The following YAF2 variants were observed in gnomAD, a reference collection of about 807,000 sequenced individuals.
YAF2 encodes the protein YY1 associated factor 2, also known as YY1-associated factor 2.
In YAF2, 7 loss-of-function variants were observed where a neutral mutation model predicts 20.1. That is an observed-to-expected ratio of 0.35 (90% CI 0.20 to 0.65). YAF2 has a LOEUF of 0.65. YAF2 is among the 30% of genes least tolerant of loss of function. The pLI is 0.69. For missense variants in YAF2, 151 were observed against 219.2 expected (o/e 0.69, Z 1.96); for synonymous variants, 74 against 76.0 (o/e 0.97, Z 0.14).
intron 2 of YAF2, among the ~76,000 whole-genome samples, chr12:42,197,127 G>A (rs10506175): frequency 0.063 from 9,534 of 152,266 alleles, 489 homozygotes; most frequent in East Asian, 0.15. Flanking sequence ...AAACTAGAGC[G>A]CAGAAAATAC....
chr12:42,229,554 T>C (rs1437855912), intron 2 of YAF2, among the ~76,000 whole-genome samples: 1 of 152,242 alleles, frequency 6.6e-6, no homozygotes, highest in Non-Finnish European at 1.5e-5. Flanking sequence ...CTACAATATA[T>C]TTATTCTCCA....
At chr12:42,227,398 G>A (rs1241671778) in intron 2 of YAF2, among the ~76,000 whole-genome samples, 2 of 93,432 alleles carry the variant, frequency 2.1e-5, no homozygotes, top group African/African-American at 5.9e-5. Flanking sequence ...AGTGAGGAGC[G>A]CCTCTTCCCA....
At chr12:42,182,145 A>T (rs1320016933) in intron 2 of YAF2, among the ~76,000 whole-genome samples, 50 of 152,320 alleles carry the variant, frequency 3.3e-4, no homozygotes, top group African/African-American at 1.1e-3. Context: ...AAAACTACAA[A>T]AGCATCATTT....
chr12:42,235,853 T>C (rs1848946508), intron 2 of YAF2: 2 of 1,536,012 alleles, frequency 1.3e-6, no homozygotes, highest in Admixed American at 2.0e-5. Context: ...CCCTGTGTAC[T>C]ATATTCCTTC....
At chr12:42,222,364 G>A (rs989030882) in intron 2 of YAF2, among the ~76,000 whole-genome samples, 6 of 152,108 alleles carry the variant, frequency 3.9e-5, no homozygotes, top group African/African-American at 1.4e-4. Context: ...CATTCAACTA[G>A]GATGGTTTTA....
At chr12:42,194,352 A>T (rs2066693564) in intron 2 of YAF2, among the ~76,000 whole-genome samples, 1 of 152,168 alleles carries the variant, frequency 6.6e-6, no homozygotes, top group Non-Finnish European at 1.5e-5. Flanking sequence ...AAGTAAAATA[A>T]ATCTAAGCCG....
chr12:42,206,392 T>C (rs1489690576), intron 2 of YAF2, among the ~76,000 whole-genome samples: 1 of 151,424 alleles, frequency 6.6e-6, no homozygotes, highest in Non-Finnish European at 1.5e-5. Flanking sequence ...GCAGATCACC[T>C]GAGGTCAGGA....
At chr12:42,237,781 G>A (rs916463350) in intron 1 of YAF2, 57 bp from the exon 2 acceptor site, 2 of 1,263,642 alleles carry the variant, frequency 1.6e-6, no homozygotes, top group Non-Finnish European at 2.0e-6. Flanking sequence ...GCCGCGCCCG[G>A]TGCCCGGGCC....
chr12:42,165,446 C>A (rs183914901), intron 2 of YAF2, among the ~76,000 whole-genome samples: 21 of 151,642 alleles, frequency 1.4e-4, no homozygotes, highest in Admixed American at 7.2e-4. Context: ...CCTCGAATGG[C>A]CAAAAGGTTT....
intron 2 of YAF2, among the ~76,000 whole-genome samples, chr12:42,230,807 A>G (rs2067963576): frequency 6.6e-6 from 1 of 152,220 alleles, no homozygotes; most frequent in Non-Finnish European, 1.5e-5. Flanking sequence ...TGGGTTTCAG[A>G]GATATACACA....
rs2068245418 is a variant in YAF2, at chr12:42,238,157, G to C, written c.24C>G (p.Thr8=). 6.5e-7 allele frequency: 1 copy of C among 1,547,050 alleles called. No homozygotes were observed. Among genetic ancestry groups the C allele is most frequent in the African/African-American group, 1.4e-5 (1 of 70,002 alleles). The change falls in exon 1 of 4, where the codon ACC becomes ACG. Residue 8 remains threonine (T), a splice_region_variant and synonymous_variant. Coordinates refer to ENST00000534854, the MANE Select transcript of YAF2 (RefSeq NM_005748.6). ...CCCCGGGGCCCGGGCGCTGTTACCT[G>C]GTGGGGCTCTTCTTGTCTCCCATGG... is the stretch of plus-strand genomic sequence containing the variant. MGDKKSP[T]RPKRQPKPSS...
chr12:42,203,413 C>T (rs1449060932), intron 2 of YAF2, among the ~76,000 whole-genome samples: 1 of 151,906 alleles, frequency 6.6e-6, no homozygotes, highest in Non-Finnish European at 1.5e-5. Context: ...CTTTCCAATC[C>T]TTTTGGATTT....
intron 2 of YAF2, among the ~76,000 whole-genome samples, chr12:42,176,069 A>C (rs936841128): frequency 2.0e-5 from 3 of 152,126 alleles, no homozygotes; most frequent in African/African-American, 7.2e-5. Context: ...CAACATGGCG[A>C]AACTCCGTCT....
chr12:42,210,458 A>AG, intron 2 of YAF2: 1 of 1,535,120 alleles, frequency 6.5e-7, no homozygotes, highest in Non-Finnish European at 8.7e-7. Flanking sequence ...ACTGGAACTG[A>AG]GGGGGCATGC....
intron 2 of YAF2, chr12:42,235,223 C>T: frequency 1.0e-6 from 1 of 994,894 alleles, no homozygotes; most frequent in Non-Finnish European, 1.2e-6. Flanking sequence ...CTGCAGCTAT[C>T]CAGTCTTGGC....
intron 2 of YAF2, among the ~76,000 whole-genome samples, chr12:42,177,356 C>T (rs1010949716): frequency 2.0e-5 from 3 of 152,086 alleles, no homozygotes; most frequent in Admixed American, 2.0e-4. Flanking sequence ...AGTCCAAGAC[C>T]AAGGTCCAGT....
intron 2 of YAF2, among the ~76,000 whole-genome samples, chr12:42,187,097 ATTATT>A (rs1183546842): frequency 5.3e-5 from 8 of 152,094 alleles, no homozygotes; most frequent in Non-Finnish European, 7.4e-5. Flanking sequence ...ATGAATAATG[ATTATT>A]TTAAGTACTA....
At chr12:42,236,230 C>A (rs2068150918) in intron 2 of YAF2, among the ~76,000 whole-genome samples, 1 of 152,148 alleles carries the variant, frequency 6.6e-6, no homozygotes, top group East Asian at 1.9e-4. Context: ...AAACCAACTC[C>A]AACCTTACAC....
chr12:42,166,663 C>T (rs1423502220), intron 2 of YAF2, among the ~76,000 whole-genome samples: 2 of 152,084 alleles, frequency 1.3e-5, no homozygotes, highest in Non-Finnish European at 2.9e-5. Flanking sequence ...TCTGAGATTT[C>T]CCTTATATGG....
Sources: allele counts gnomAD v4.1 joint callset (sites outside exome capture counted in the v4.1 genomes callset), GRCh38; gene constraint gnomAD v4.1.1; transcripts MANE v1.5; gene names NCBI Gene and HGNC (gene_info 2026-07-23, HGNC 2026-07-21).